VMP1: variants seen among roughly 807,000 people sequenced by gnomAD.
VMP1 encodes ectopic P-granules autophagy protein 3 homolog.
A neutral mutation model predicts 56.0 loss-of-function variants in VMP1; 11 were observed. That is an observed-to-expected ratio of 0.20 (90% CI 0.12 to 0.32). VMP1 has a LOEUF of 0.32. Among genes scored for constraint, VMP1 ranks in the 10% least tolerant of loss-of-function variants. VMP1 has a pLI of 1.00. For synonymous variants in VMP1, 149 were observed against 165.0 expected, an observed-to-expected ratio of 0.90 and a Z score of 0.74; for missense variants, 296 against 490.3, an observed-to-expected ratio of 0.60 and a Z score of 3.74.
Position 59,817,780 on chromosome 17 carries a change from A to G in VMP1, c.974+7A>G, listed in dbSNP as rs775625109. On this transcript the variant is annotated splice_region_variant and intron_variant, in intron 10 of 11. Transcript: ENST00000262291. ...AAATGGTGGCTTTCATTGGGTAAGT[A>G]ATTCTTCAAGGACTAATATTAATAT... The G allele has an allele frequency of 6.2e-7, 1 of 1,601,774 alleles. No homozygotes were observed.
rs181841118 is a variant in VMP1, at chr17:59,811,282, A to G, written c.796-388A>G. Among the ~76,000 whole-genome samples, 127 of 152,298 alleles carry G rather than the reference A, an allele frequency of 8.3e-4. 1 individual carries two copies. In the Middle Eastern group the frequency reaches 0.041, roughly 49 times the overall value. Reference sequence around the variant, plus strand: ...ATCTTAAGGCTCTTTCTTCACTCATACCTCACCTTAGAAAACAGCCACCAA... The same window carrying G: ...ATCTTAAGGCTCTTTCTTCACTCATGCCTCACCTTAGAAAACAGCCACCAA... On this transcript the variant is annotated intron_variant, in intron 8 of 11. Coordinates refer to ENST00000262291, the MANE Select transcript of VMP1 (RefSeq NM_030938.5).
At position 59,839,789 on chromosome 17, in the gene VMP1, A is replaced by G; in HGVS notation, c.1099A>G (p.Met367Val). 2 of 1,612,580 alleles carry G rather than the reference A, an allele frequency of 1.2e-6. No homozygotes were observed. The highest frequency in any genetic ancestry group is 4.5e-5 in the East Asian group (2 of 44,844). Residue 367 changes from methionine to valine, a missense_variant, in exon 12 of 12, where the codon ATG becomes GTG. Physicochemically the swap from Met to Val is conservative, Grantham distance 21. Transcript: ENST00000262291. ...TPQGENWLSWMFEKLVVVMVC... is the reference protein window; with the variant it reads ...TPQGENWLSWVFEKLVVVMVC... ...ACAGGGAGAAAACTGGTTGTCCTGG[A>G]TGTTTGAAAAGTTGGTCGTTGTCAT...
At chr17:59,779,256 GTTC>G in intron 7 of VMP1, among the ~76,000 whole-genome samples, 1 of 152,266 alleles carries the variant, frequency 6.6e-6, no homozygotes, top group East Asian at 1.9e-4. Context: ...CTCACTTTCT[GTTC>G]TATCTGTGAA....
intron 7 of VMP1, among the ~76,000 whole-genome samples, chr17:59,797,352 A>AG (rs1469484661): frequency 6.6e-6 from 1 of 151,858 alleles, no homozygotes; most frequent in East Asian, 1.9e-4. Context: ...AAAAAAAAAA[A>AG]AAAAGAAAAA....
intron 7 of VMP1, among the ~76,000 whole-genome samples, chr17:59,776,170 C>G (rs1428882762): frequency 6.6e-6 from 1 of 152,050 alleles, no homozygotes; most frequent in Non-Finnish European, 1.5e-5. Context: ...TGCATTTGCA[C>G]TACTGTACTC....
At chr17:59,742,625 C>T (rs2035268330) in intron 5 of VMP1, among the ~76,000 whole-genome samples, 2 of 151,970 alleles carry the variant, frequency 1.3e-5, no homozygotes, top group South Asian at 4.2e-4. Flanking sequence ...GATTCTAATA[C>T]ACCAGGGGTC....
intron 1 of VMP1, among the ~76,000 whole-genome samples, chr17:59,712,870 C>T (rs1305176263): frequency 1.3e-5 from 2 of 152,062 alleles, no homozygotes; most frequent in South Asian, 2.1e-4. Context: ...TGAATTGAAG[C>T]GGGCAAGAAC....
intron 7 of VMP1, among the ~76,000 whole-genome samples, chr17:59,778,494 G>C (rs2036705969): frequency 6.7e-6 from 1 of 149,796 alleles, no homozygotes; most frequent in Admixed American, 6.7e-5. Flanking sequence ...AGTGAGCCGA[G>C]ATCGCACCAC....
At chr17:59,782,652 G>A (rs1422602030) in intron 7 of VMP1, among the ~76,000 whole-genome samples, 1 of 152,024 alleles carries the variant, frequency 6.6e-6, no homozygotes, top group Non-Finnish European at 1.5e-5. Context: ...AATAAAATAC[G>A]GAAAAGTTGA....
chr17:59,800,921 A>T (rs1328399346), intron 7 of VMP1, among the ~76,000 whole-genome samples: 1 of 151,870 alleles, frequency 6.6e-6, no homozygotes, highest in Non-Finnish European at 1.5e-5. Context: ...CTTAACTAAA[A>T]ATACAAAAAT....
intron 7 of VMP1, among the ~76,000 whole-genome samples, chr17:59,786,320 G>A (rs1253120697): frequency 1.3e-5 from 2 of 152,174 alleles, no homozygotes; most frequent in Non-Finnish European, 2.9e-5. Flanking sequence ...AAATACTCAC[G>A]AAAGTGCTTT....
chr17:59,792,957 G>A lies in VMP1; in HGVS notation c.715-15839G>A, dbSNP rs1015704548. Reference sequence around the variant, plus strand: ...TCCAGCACTTTGGGAGGCTGAGGTGGAAGGATCACTTGGAGCCCAGGAGTT... The same window carrying A: ...TCCAGCACTTTGGGAGGCTGAGGTGAAAGGATCACTTGGAGCCCAGGAGTT... On this transcript the variant is annotated intron_variant, in intron 7 of 11. Coordinates refer to ENST00000262291, the MANE Select transcript of VMP1 (RefSeq NM_030938.5). Among the ~76,000 whole-genome samples, 2 of 82,990 alleles carry A rather than the reference G, an allele frequency of 2.4e-5. 1 individual carries two copies. The highest frequency in any genetic ancestry group is 6.6e-5 in the Non-Finnish European group (2 of 30,286). The allele number at this position is 82,990 out of a possible 152,430, so 54.4% of individuals were successfully genotyped here. A position where few individuals can be genotyped will look rare whatever the true frequency, so the allele number is the denominator to read the frequency against.
chr17:59,719,582 C>T (rs1215269443), intron 1 of VMP1, among the ~76,000 whole-genome samples: 1 of 151,722 alleles, frequency 6.6e-6, no homozygotes, highest in East Asian at 1.9e-4. Flanking sequence ...CTTTCTTTTC[C>T]TTTTCTACCT....
rs566470361 is a variant in VMP1, at chr17:59,807,976, T to C, written c.715-820T>C. On this transcript the variant is annotated intron_variant, in intron 7 of 11. Transcript: ENST00000262291. ...TCATTTTTTGTCTTATGAACTATTT[T>C]CATTGGAATTTGGATTTGAATATAT... is the stretch of plus-strand genomic sequence containing the variant. Among the ~76,000 whole-genome samples, 3 of 152,340 alleles carry C rather than the reference T, an allele frequency of 2.0e-5. No individual in the cohort carries two copies. The East Asian group carries it at 5.8e-4, about 29-fold the overall frequency.
At chr17:59,751,209 A>G (rs2035630456) in intron 5 of VMP1, among the ~76,000 whole-genome samples, 1 of 152,090 alleles carries the variant, frequency 6.6e-6, no homozygotes, top group Non-Finnish European at 1.5e-5. Context: ...CTTTTATTGC[A>G]TATTAATTCC....
chr17:59,822,222 A>G (rs1022840403), intron 10 of VMP1, among the ~76,000 whole-genome samples: 1 of 152,022 alleles, frequency 6.6e-6, no homozygotes, highest in African/African-American at 2.4e-5. Flanking sequence ...TCAGATCCCA[A>G]AGGGTATCCT....
chr17:59,788,107 G>C (rs541896776), intron 7 of VMP1, among the ~76,000 whole-genome samples: 1 of 152,170 alleles, frequency 6.6e-6, no homozygotes, highest in Non-Finnish European at 1.5e-5. Context: ...ATGAAAATAC[G>C]AGGTTAATGC....
intron 2 of VMP1, among the ~76,000 whole-genome samples, chr17:59,734,344 C>T (rs984961345): frequency 1.3e-4 from 20 of 152,092 alleles, no homozygotes; most frequent in African/African-American, 3.6e-4. Context: ...ACATATACAA[C>T]GCGGATGTAC....
chr17:59,816,495 T>C (rs886146135), intron 9 of VMP1, among the ~76,000 whole-genome samples: 1 of 152,170 alleles, frequency 6.6e-6, no homozygotes, highest in Non-Finnish European at 1.5e-5. Context: ...CTGAGATTCA[T>C]AGTGAGTGGA....
Sources: gnomAD v4.1 joint callset for allele counts (sites outside exome capture counted in the v4.1 genomes callset) on GRCh38, gnomAD v4.1.1 for gene constraint, MANE v1.5 for transcripts, NCBI Gene and HGNC (gene_info 2026-07-23, HGNC 2026-07-21) for gene names.